MAP9: variants seen among roughly 807,000 people sequenced by gnomAD.
MAP9 encodes the protein microtubule associated protein 9.
MAP9 carries 80 observed loss-of-function variants against 75.2 expected under a neutral mutation model. The observed-to-expected ratio is 1.06, with a 90% confidence interval of 0.89 to 1.28. MAP9 has a LOEUF of 1.28. Among genes scored for constraint, MAP9 ranks in the 50% most tolerant of loss-of-function variants. The pLI is 0.00. For missense variants in MAP9, 753 were observed against 719.9 expected, an observed-to-expected ratio of 1.05 and a Z score of -0.53; for synonymous variants, 235 against 237.3, an observed-to-expected ratio of 0.99 and a Z score of 0.09.
In MAP9 at chr4:155,375,870, C is replaced by G. The variant is rs1389271411; in HGVS notation, c.-20G>C. The G allele has an allele frequency of 6.5e-7, 1 of 1,548,482 alleles. No individual in the cohort carries two copies. Among genetic ancestry groups the G allele is most frequent in the Non-Finnish European group, 8.9e-7 (1 of 1,126,700 alleles). On this transcript the variant is annotated 5_prime_UTR_variant, in exon 2 of 14. Transcript: ENST00000311277. ...AGACATAGTGTATTTTTTCTCGTTA[C>G]CTTTATAAAATAGCTAATTATTAGA...
At chr4:155,372,081 T>A (rs1321261641) in intron 4 of MAP9, among the ~76,000 whole-genome samples, 3 of 152,222 alleles carry the variant, frequency 2.0e-5, no homozygotes, top group Non-Finnish European at 2.9e-5. Context: ...TTTGCTGAAG[T>A]CATATATAAT....
chr4:155,373,113 T>C (rs202202634), intron 4 of MAP9, 23 bp downstream of exon 4: 2 of 1,443,336 alleles, frequency 1.4e-6, no homozygotes, highest in African/African-American at 2.9e-5. Flanking sequence ...AGAAATGCAA[T>C]TACAGTAATC....
chr4:155,362,043 A>G lies in MAP9; in HGVS notation c.802+5T>C. 6.4e-7 allele frequency: 1 copy of G among 1,560,368 alleles called. No homozygotes were observed. ...ATATAAGATATAATTATTAGATATA[A>G]CCACCTTTTCCAGATGCGTTTCCCT... On this transcript the variant is annotated splice_donor_5th_base_variant and intron_variant, in intron 6 of 13. Coordinates refer to ENST00000311277, the MANE Select transcript of MAP9 (RefSeq NM_001039580.2).
At position 155,352,828 on chromosome 4, in the gene MAP9, A is replaced by G; in HGVS notation, c.1688+84T>C. On this transcript the variant is annotated intron_variant, in intron 12 of 13. Transcript: ENST00000311277. Reference sequence around the variant, plus strand: ...AGTAATGAAATTGAAATGCATTACTAAATTTCAAGTAAATAAATTTTATAA... The same window carrying G: ...AGTAATGAAATTGAAATGCATTACTGAATTTCAAGTAAATAAATTTTATAA... 2 of 1,406,812 alleles carry G rather than the reference A, an allele frequency of 1.4e-6. 1 individual carries two copies. Among genetic ancestry groups the G allele is most frequent in the South Asian group, 2.8e-5 (2 of 72,508 alleles). 87.1% of individuals were successfully genotyped at this position (1,406,812 alleles called of 1,614,324 possible).
chr4:155,350,408 A>G (rs1472906520), intron 13 of MAP9, among the ~76,000 whole-genome samples: 4 of 152,062 alleles, frequency 2.6e-5, no homozygotes, highest in Non-Finnish European at 5.9e-5. Context: ...ACTGATAAGA[A>G]TGACAATGTA....
rs1430931969 is a variant in MAP9, at chr4:155,343,686, A to T, written c.*4097T>A. 3 of 116,888 alleles carry T rather than the reference A, an allele frequency of 2.6e-5. No homozygotes were observed. Among genetic ancestry groups the T allele is most frequent in the Non-Finnish European group, 5.0e-5 (3 of 59,978 alleles). 7.2% of individuals were successfully genotyped at this position (116,888 alleles called of 1,614,324 possible). ...AATCTTGAATGGTTGATTTTAATAC[A>T]CTAAACATTACATGAAAATATATGC... is the stretch of plus-strand genomic sequence containing the variant. On this transcript the variant is annotated 3_prime_UTR_variant, in exon 14 of 14. Transcript: ENST00000311277.
intron 5 of MAP9, chr4:155,368,257 T>C (rs999906660): frequency 1.4e-5 from 7 of 492,164 alleles, no homozygotes; most frequent in Non-Finnish European, 2.5e-5. Flanking sequence ...AACACTATTA[T>C]ATAGATTCAG....
Position 155,353,299 on chromosome 4 carries a change from C to T in MAP9, c.1422G>A (p.Glu474=). The change falls in exon 11 of 14, where the codon GAG becomes GAA. Residue 474 remains glutamate (E), a synonymous_variant. Transcript: ENST00000311277. ...CCTTTTCTTTCATAGCCTTCCAGGC[C>T]TCAAATGATGCTAATGCTTCTTCTC... is the stretch of plus-strand genomic sequence containing the variant. ...AKREEALASF[E]AWKAMKEKEA... is the part of the protein sequence containing the mutation. The T allele has an allele frequency of 6.2e-7, 1 of 1,601,004 alleles. No individual in the cohort carries two copies. The highest frequency in any genetic ancestry group is 2.2e-5 in the East Asian group (1 of 44,514).
intron 13 of MAP9, among the ~76,000 whole-genome samples, chr4:155,348,385 A>C (rs1252450429): frequency 6.6e-6 from 1 of 152,086 alleles, no homozygotes; most frequent in Non-Finnish European, 1.5e-5. Context: ...ATTAGTAAAC[A>C]TTGTCAATTT....
intron 5 of MAP9, among the ~76,000 whole-genome samples, chr4:155,364,969 C>G (rs1732259930): frequency 6.6e-6 from 1 of 151,532 alleles, no homozygotes; most frequent in African/African-American, 2.4e-5. Context: ...AGAGAAACAA[C>G]AATAAAAACA....
In MAP9 at chr4:155,375,013, T is replaced by TATA; in HGVS notation, c.83_84insTAT (p.Ile29dup). ...CTGAGCGAGCTGTAATTGCTCTTAT[T>TATA]AGCTCATCCTGAAATGAGATACTGA... On this transcript the variant is annotated inframe_insertion, in exon 3 of 14. Transcript: ENST00000311277. 6.4e-7 allele frequency: 1 copy of TATA among 1,571,098 alleles called. No individual in the cohort carries two copies. The highest frequency in any genetic ancestry group is 1.2e-5 in the South Asian group (1 of 86,600).
chr4:155,362,583 T>C (rs1732139540), intron 5 of MAP9: 1 of 152,512 alleles, frequency 6.6e-6, no homozygotes, highest in East Asian at 1.9e-4. Context: ...TGAAAGCATT[T>C]AATAAAATCA....
At chr4:155,370,004 TA>T (rs1191964468) in intron 4 of MAP9, among the ~76,000 whole-genome samples, 1 of 152,184 alleles carries the variant, frequency 6.6e-6, no homozygotes, top group Non-Finnish European at 1.5e-5. Flanking sequence ...CCCATTTACC[TA>T]AAAATGGGCT....
At chr4:155,358,799 G>T (rs1192429207) in intron 7 of MAP9, among the ~76,000 whole-genome samples, 1 of 151,842 alleles carries the variant, frequency 6.6e-6, no homozygotes, top group Non-Finnish European at 1.5e-5. Context: ...CATACAAGTG[G>T]CCAAGAAACA....
At chr4:155,373,490 T>G in intron 3 of MAP9, 34 bp from the exon 4 acceptor site, 1 of 1,374,826 alleles carries the variant, frequency 7.3e-7, no homozygotes, top group Non-Finnish European at 9.6e-7. Context: ...TTTTCAACAG[T>G]ATTTTTAAAA....
rs1415200309 is a variant in MAP9 at position 155,342,791 on chromosome 4, A to G, written c.*4992T>C. On this transcript the variant is annotated 3_prime_UTR_variant, in exon 14 of 14. Transcript: ENST00000311277. ...TGTATGTGAAAACCTCTGAGTGACT[A>G]TCTCAAAGTGTATATGTCATATAAC... 1.3e-5 allele frequency: 2 copies of G among 152,054 alleles called. No homozygotes were observed. Among genetic ancestry groups the G allele is most frequent in the African/African-American group, 2.4e-5 (1 of 41,438 alleles). 9.4% of individuals were successfully genotyped at this position (152,054 alleles called of 1,614,324 possible).
At chr4:155,360,575 C>T (rs1437715050) in intron 6 of MAP9, 160 bp from the exon 7 acceptor site, 22 of 656,632 alleles carry the variant, frequency 3.4e-5, no homozygotes, top group Middle Eastern at 4.4e-4. Context: ...AAACTCTTTT[C>T]GAAAGTGATT....
At chr4:155,375,077 A>G in intron 2 of MAP9, 56 bp from the exon 3 acceptor site, 1 of 1,270,344 alleles carries the variant, frequency 7.9e-7, no homozygotes, top group Non-Finnish European at 1.1e-6. Flanking sequence ...TCATATTCAC[A>G]AGTAATTCTT....
chr4:155,353,345 A>G lies in MAP9; in HGVS notation c.1381-5T>C. The stretch of plus-strand genomic sequence containing the variant: ...TTCTCTTTTAGCAGCTTTTTTCTAC[A>G]GTGGAAAAAATAATAGAGTGATATA... On this transcript the variant is annotated splice_region_variant and splice_polypyrimidine_tract_variant and intron_variant, in intron 10 of 13. Transcript: ENST00000311277. 1.3e-6 allele frequency: 2 copies of G among 1,554,818 alleles called. No homozygotes were observed. Among genetic ancestry groups the G allele is most frequent in the Non-Finnish European group, 1.7e-6 (2 of 1,161,780 alleles).
Sources: gnomAD v4.1 joint callset for allele counts (sites outside exome capture counted in the v4.1 genomes callset) on GRCh38, gnomAD v4.1.1 for gene constraint, MANE v1.5 for transcripts, NCBI Gene and HGNC (gene_info 2026-07-23, HGNC 2026-07-21) for gene names.